SPP1: variants seen among roughly 807,000 people sequenced by gnomAD.
SPP1 encodes the protein osteopontin.
SPP1 carries 18 observed loss-of-function variants against 20.8 expected under a neutral mutation model. The ratio of observed to expected loss-of-function variants is 0.87; its 90% CI spans 0.60 to 1.29. The LOEUF (loss-of-function observed/expected upper bound fraction) is 1.29. SPP1 is among the 50% of genes most tolerant of loss of function. The pLI is 0.00. For missense variants in SPP1, 363 were observed against 389.0 expected, an observed-to-expected ratio of 0.93 and a Z score of 0.56; for synonymous variants, 146 against 141.5, an observed-to-expected ratio of 1.03 and a Z score of -0.23.
intron 1 of SPP1, 55 bp from the exon 2 acceptor site, chr4:87,976,827 T>A (rs1725396002): frequency 1.6e-6 from 2 of 1,213,576 alleles, no homozygotes; most frequent in Admixed American, 3.6e-5. Flanking sequence ...TATAAAAAGG[T>A]ATCACTGTTG....
intron 3 of SPP1, among the ~76,000 whole-genome samples, chr4:87,978,856 C>A (rs1182904873): frequency 6.6e-6 from 1 of 152,110 alleles, no homozygotes; most frequent in Non-Finnish European, 1.5e-5. Flanking sequence ...CTCTGTGCAA[C>A]CCCCAGAGTT....
rs78956944 is a variant in SPP1 at position 87,982,775 on chromosome 4, G to A, written c.824G>A (p.Ser275Asn). The A allele has an allele frequency of 6.2e-7, 1 of 1,614,088 alleles. No homozygotes were observed. Among genetic ancestry groups the A allele is most frequent in the African/African-American group, 1.3e-5 (1 of 75,018 alleles). ...ELSKVSREFH[S>N]HEFHSHEDML... The stretch of plus-strand genomic sequence containing the variant: ...TCCAAAGTCAGCCGTGAATTCCACA[G>A]CCATGAATTTCACAGCCATGAAGAT... Residue 275 changes from serine (S) to asparagine (N), a missense_variant, in exon 7 of 7, where the codon AGC becomes AAC. Physicochemically the swap from Ser to Asn is conservative, Grantham distance 46 (BLOSUM62 1). Transcript: ENST00000395080.
intron 3 of SPP1, chr4:87,977,972 G>C (rs533376065): frequency 1.7e-6 from 1 of 590,114 alleles, no homozygotes; most frequent in South Asian, 4.6e-5. Context: ...GAAGATAGAG[G>C]TCATACTATT....
rs764714865 is a variant in SPP1, at chr4:87,981,534, T to C, written c.276T>C (p.Asp92=). ...ACATGGATGATATGGATGATGAAGA[T>C]GATGATGACCATGTGGACAGCCAGG... The part of the protein sequence containing the change: ...HDHMDDMDDE[D]DDDHVDSQDS... Residue 92 remains aspartate, a synonymous_variant, in exon 6 of 7, where the codon GAT becomes GAC. Transcript: ENST00000395080. 46 of 1,614,038 alleles carry C rather than the reference T, an allele frequency of 2.8e-5. No individual in the cohort carries two copies. Among genetic ancestry groups the C allele is most frequent in the Non-Finnish European group, 3.6e-5 (43 of 1,179,994 alleles).
In SPP1 at chr4:87,980,445, A is replaced by G. The variant is rs1725595059; in HGVS notation, c.216+11A>G. On this transcript the variant is annotated intron_variant, in intron 5 of 6. Transcript: ENST00000395080. ...GACTTTAAACAAGAGGTAAGTTCTCATTTTCAATCAGAGGCCCATCATGCC... is the reference window on the plus strand; with the variant it reads ...GACTTTAAACAAGAGGTAAGTTCTCGTTTTCAATCAGAGGCCCATCATGCC... The G allele has an allele frequency of 6.2e-7, 1 of 1,613,726 alleles. No individual in the cohort carries two copies.
At chr4:87,982,245 A>G (rs1361258328) in intron 6 of SPP1, among the ~76,000 whole-genome samples, 1 of 152,130 alleles carries the variant, frequency 6.6e-6, no homozygotes, top group Admixed American at 6.6e-5. Flanking sequence ...TGTAGGTTTC[A>G]ATATAATGAA....
intron 1 of SPP1, 25 bp from the exon 2 acceptor site, chr4:87,976,857 C>T (rs780550441): frequency 4.7e-5 from 75 of 1,582,336 alleles, no homozygotes; most frequent in Non-Finnish European, 6.4e-5. Flanking sequence ...AAGATGTCAG[C>T]TATTCCTTAT....
chr4:87,977,586 T>C lies in SPP1; in HGVS notation c.93+489T>C, dbSNP rs938880498. On this transcript the variant is annotated intron_variant, in intron 3 of 6. Coordinates refer to ENST00000395080, the MANE Select transcript of SPP1 (RefSeq NM_001040058.2). ...GTGTGCTGTTTGTATCTATTGTGAT[T>C]GTCAGCTGATGTTAGATCACATTTT... The C allele has an allele frequency of 6.4e-6, 6 of 935,966 alleles. No homozygotes were observed. In the African/African-American group the frequency reaches 1.1e-4, roughly 16 times the overall value. The allele number at this position is 935,966 out of a possible 1,614,324, so 58.0% of individuals were successfully genotyped here.
intron 3 of SPP1, chr4:87,977,573 T>C: frequency 2.4e-6 from 2 of 817,158 alleles, no homozygotes; most frequent in Non-Finnish European, 3.2e-6. Flanking sequence ...GTGCTGTTTG[T>C]ATCTATTGTG....
chr4:87,976,822 A>T, intron 1 of SPP1, 60 bp from the exon 2 acceptor site: 1 of 1,172,206 alleles, frequency 8.5e-7, no homozygotes, highest in Non-Finnish European at 1.3e-6. Context: ...GGTAGTATAA[A>T]AAGGTATCAC....
Position 87,980,143 on chromosome 4 carries a change from C to T in SPP1, c.174+17C>T. On this transcript the variant is annotated intron_variant, in intron 4 of 6. Transcript: ENST00000395080. ...GCCCCACAGGTATTTTTAAACTTCT[C>T]ATAATTAAACTACAGTGATGAAAGA... is the stretch of plus-strand genomic sequence containing the variant. 1.2e-6 allele frequency: 2 copies of T among 1,613,448 alleles called. No individual in the cohort carries two copies. The highest frequency in any genetic ancestry group is 8.5e-7 in the Non-Finnish European group (1 of 1,179,426).
In SPP1 at chr4:87,983,068, A is replaced by T. The variant is rs2110071821; in HGVS notation, c.*172A>T. 4.4e-6 allele frequency: 3 copies of T among 686,094 alleles called. No individual in the cohort carries two copies. Among genetic ancestry groups the T allele is most frequent in the Non-Finnish European group, 4.7e-6 (2 of 429,956 alleles). 42.5% of individuals were successfully genotyped at this position (686,094 alleles called of 1,614,324 possible). A position where few individuals can be genotyped will look rare whatever the true frequency, so the allele number is the denominator to read the frequency against. The stretch of plus-strand genomic sequence containing the variant: ...GATAATTAGTTTAGTTTGTGGCTTC[A>T]TGGAAACTCCCTGTAAACTAAAAGC... On this transcript the variant is annotated 3_prime_UTR_variant, in exon 7 of 7. Coordinates refer to ENST00000395080, the MANE Select transcript of SPP1 (RefSeq NM_001040058.2).
intron 3 of SPP1, chr4:87,978,160 A>T (rs960287377): frequency 2.0e-5 from 3 of 153,504 alleles, no homozygotes; most frequent in Admixed American, 6.5e-5. Flanking sequence ...TATATGCCTG[A>T]AAATACACAC....
chr4:87,981,710 C>T lies in SPP1; in HGVS notation c.452C>T (p.Pro151Leu). 2 of 1,614,168 alleles carry T rather than the reference C, an allele frequency of 1.2e-6. No individual in the cohort carries two copies. Among genetic ancestry groups the T allele is most frequent in the Non-Finnish European group, 1.7e-6 (2 of 1,180,036 alleles). ...ACCGAAGTTTTCACTCCAGTTGTCC[C>T]CACAGTAGACACATATGATGGCCGA... ...PATEVFTPVV[P>L]TVDTYDGRGD... Residue 151 changes from proline to leucine, a missense_variant, in exon 6 of 7, where the codon CCC becomes CTC. Pro to Leu is a moderately conservative substitution (Grantham distance 98). Coordinates refer to ENST00000395080, the MANE Select transcript of SPP1 (RefSeq NM_001040058.2).
chr4:87,978,674 G>A (rs1284338936), intron 3 of SPP1, among the ~76,000 whole-genome samples: 1 of 152,056 alleles, frequency 6.6e-6, no homozygotes, highest in African/African-American at 2.4e-5. Flanking sequence ...GAGCCACTGC[G>A]CCCGGCTGTT....
In SPP1 at chr4:87,981,706, G is replaced by T. The variant is rs368398391; in HGVS notation, c.448G>T (p.Val150Phe). The change falls in exon 6 of 7, where the codon GTC becomes TTC. Residue 150 changes from valine (V) to phenylalanine (F), a missense_variant. Coordinates refer to ENST00000395080, the MANE Select transcript of SPP1 (RefSeq NM_001040058.2). The stretch of plus-strand genomic sequence containing the variant: ...AGCAACCGAAGTTTTCACTCCAGTT[G>T]TCCCCACAGTAGACACATATGATGG... Reference protein sequence around the residue: ...LPATEVFTPVVPTVDTYDGRG... With the variant: ...LPATEVFTPVFPTVDTYDGRG... 1.2e-6 allele frequency: 2 copies of T among 1,614,186 alleles called. No homozygotes were observed. Among genetic ancestry groups the T allele is most frequent in the Non-Finnish European group, 8.5e-7 (1 of 1,180,046 alleles).
chr4:87,981,457 G>T lies in SPP1; in HGVS notation c.217-18G>T, dbSNP rs371936418. 6.2e-7 allele frequency: 1 copy of T among 1,605,336 alleles called. No homozygotes were observed. Among genetic ancestry groups the T allele is most frequent in the Non-Finnish European group, 8.5e-7 (1 of 1,175,166 alleles). ...TAAAAACCCATATATTAATTTTCCC[G>T]GCCATCTTAATTTTCAGACCCTTCC... On this transcript the variant is annotated intron_variant, in intron 5 of 6. Coordinates refer to ENST00000395080, the MANE Select transcript of SPP1 (RefSeq NM_001040058.2).
At position 87,976,840 on chromosome 4, in the gene SPP1, A is replaced by G; in HGVS notation, c.-14-42A>G. The G allele has an allele frequency of 4.2e-6, 6 of 1,423,502 alleles. No individual in the cohort carries two copies. In the South Asian group the frequency reaches 7.0e-5, roughly 17 times the overall value. The allele number at this position is 1,423,502 out of a possible 1,614,324, so 88.2% of individuals were successfully genotyped here. On this transcript the variant is annotated intron_variant, in intron 1 of 6. Coordinates refer to ENST00000395080, the MANE Select transcript of SPP1 (RefSeq NM_001040058.2). ...AGTATAAAAAGGTATCACTGTTGTA[A>G]CCTATGAAGATGTCAGCTATTCCTT...
chr4:87,976,832 C>T, intron 1 of SPP1, 50 bp from the exon 2 acceptor site: 1 of 1,315,960 alleles, frequency 7.6e-7, no homozygotes, highest in Non-Finnish European at 1.1e-6. Context: ...AAAGGTATCA[C>T]TGTTGTAACC....
Sources: gnomAD v4.1 joint callset for allele counts (sites outside exome capture counted in the v4.1 genomes callset) on GRCh38, gnomAD v4.1.1 for gene constraint, MANE v1.5 for transcripts, NCBI Gene and HGNC (gene_info 2026-07-23, HGNC 2026-07-21) for gene names.